The following LINGO2 variants were observed in gnomAD, a reference collection of about 807,000 sequenced individuals.
The protein encoded by LINGO2 is leucine-rich repeat and immunoglobulin-like domain-containing nogo receptor-interacting protein 2.
In LINGO2, 14 loss-of-function variants were observed where a neutral mutation model predicts 30.6. That is an observed-to-expected ratio of 0.46 (90% CI 0.30 to 0.72). LINGO2 has a LOEUF of 0.72. Ranked by LOEUF, LINGO2 falls within the 30% of genes least tolerant of loss-of-function variation. LINGO2 has a pLI of 0.07. For missense variants in LINGO2, 729 were observed against 751.7 expected, an observed-to-expected ratio of 0.97 and a Z score of 0.35; for synonymous variants, 317 against 288.5, an observed-to-expected ratio of 1.10 and a Z score of -1.00.
the LINGO2 span, among the ~76,000 whole-genome samples, chr9:28,763,550 T>C: frequency 6.6e-6 from 1 of 151,548 alleles, no homozygotes; most frequent in South Asian, 2.1e-4. Flanking sequence ...AAGCGAGAAG[T>C]TCATGGCAAT....
At chr9:28,326,093 G>A (rs373020307) in intron 3 of LINGO2, among the ~76,000 whole-genome samples, 55 of 152,232 alleles carry the variant, frequency 3.6e-4, no homozygotes, top group African/African-American at 9.9e-4. Flanking sequence ...TGCAACCTCC[G>A]CCTCCTGGGT....
chr9:29,005,758 T>C, the LINGO2 span, among the ~76,000 whole-genome samples: 2 of 152,040 alleles, frequency 1.3e-5, no homozygotes, highest in Admixed American at 6.6e-5. Context: ...TACTGCATTT[T>C]TGAACCACAT....
At chr9:28,451,616 A>G (rs889973148) in intron 2 of LINGO2, among the ~76,000 whole-genome samples, 8 of 151,784 alleles carry the variant, frequency 5.3e-5, no homozygotes, top group African/African-American at 1.7e-4. Context: ...TCATTAAAAT[A>G]TATTATGGGA....
chr9:28,756,213 G>C, the LINGO2 span, among the ~76,000 whole-genome samples: 1 of 152,010 alleles, frequency 6.6e-6, no homozygotes, highest in African/African-American at 2.4e-5. Context: ...GGAGTGAAAG[G>C]AGATTATTTT....
At chr9:28,458,268 C>A (rs1824933558) in intron 2 of LINGO2, among the ~76,000 whole-genome samples, 1 of 152,264 alleles carries the variant, frequency 6.6e-6, no homozygotes, top group Admixed American at 6.5e-5. Context: ...AGGATGATTT[C>A]TGCAGCTGGA....
intron 4 of LINGO2, among the ~76,000 whole-genome samples, chr9:28,100,202 A>T (rs1256252902): frequency 6.6e-6 from 1 of 152,174 alleles, no homozygotes; most frequent in Non-Finnish European, 1.5e-5. Context: ...TGACACATAA[A>T]ATCATGAATA....
chr9:28,141,691 C>T (rs927687506), intron 4 of LINGO2, among the ~76,000 whole-genome samples: 3 of 151,944 alleles, frequency 2.0e-5, no homozygotes, highest in East Asian at 1.9e-4. Flanking sequence ...CTGAGGCGGG[C>T]GGATCACGAG....
chr9:29,185,998 A>C, the LINGO2 span, among the ~76,000 whole-genome samples: 1 of 152,156 alleles, frequency 6.6e-6, no homozygotes, highest in Non-Finnish European at 1.5e-5. Context: ...CATTAGCCCA[A>C]ACCAAACTTT....
chr9:29,190,831 T>C, the LINGO2 span, among the ~76,000 whole-genome samples: 2 of 152,198 alleles, frequency 1.3e-5, no homozygotes, highest in South Asian at 4.1e-4. Context: ...GGTATGGCAT[T>C]GTCTCCAATT....
At chr9:28,008,338 G>C (rs369562758) in intron 5 of LINGO2, among the ~76,000 whole-genome samples, 66 of 152,008 alleles carry the variant, frequency 4.3e-4, no homozygotes, top group African/African-American at 1.6e-3. Flanking sequence ...ATATAATATA[G>C]ATGATATCTA....
intron 2 of LINGO2, among the ~76,000 whole-genome samples, chr9:28,459,610 C>CT (rs1168583175): frequency 6.6e-6 from 1 of 151,938 alleles, no homozygotes; most frequent in African/African-American, 2.4e-5. Flanking sequence ...CCCATGTAGA[C>CT]TTTTCGCTCC....
the LINGO2 span, among the ~76,000 whole-genome samples, chr9:28,996,020 T>TAAAA: frequency 6.7e-6 from 1 of 150,358 alleles, no homozygotes; most frequent in Admixed American, 6.6e-5. Flanking sequence ...TAAAGTATAA[T>TAAAA]AAAAAAAATG....
In LINGO2 at chr9:28,059,586, C is replaced by G. The variant is rs75021929; in HGVS notation, c.-86-47181G>C. Among the ~76,000 whole-genome samples the G allele has an allele frequency of 2.2e-3, 331 of 152,188 alleles. 12 individuals carry two copies. The South Asian group carries it at 0.046, about 21-fold the overall frequency. ...AGGAGACAGCAGATGATGAAAGAACCATCAGGCTTACTAGAATTCAACCAC... is the reference window on the plus strand; with the variant it reads ...AGGAGACAGCAGATGATGAAAGAACGATCAGGCTTACTAGAATTCAACCAC... On this transcript the variant is annotated intron_variant, in intron 4 of 5. Transcript: ENST00000379992.
intron 1 of LINGO2, among the ~76,000 whole-genome samples, chr9:28,558,260 G>C (rs531728612): frequency 3.3e-5 from 5 of 151,002 alleles, no homozygotes; most frequent in African/African-American, 4.9e-5. Context: ...TGCCATTTTT[G>C]TTAGGTCTTT....
chr9:28,222,442 A>G (rs1820998525), intron 4 of LINGO2, among the ~76,000 whole-genome samples: 1 of 152,148 alleles, frequency 6.6e-6, no homozygotes, highest in African/African-American at 2.4e-5. Flanking sequence ...TTTACTACAA[A>G]AAACCCATTG....
At position 28,248,931 on chromosome 9, in the gene LINGO2, C is replaced by A. The variant is rs377467722; in HGVS notation, c.-87+46277G>T. ...ACACCAAGAGAGAGTTATTATTAAT[C>A]TAAGTCATTCATGTCATTAATCTAA... On this transcript the variant is annotated intron_variant, in intron 4 of 5. Coordinates refer to ENST00000379992, the Ensembl canonical transcript of LINGO2. Among the ~76,000 whole-genome samples the A allele has an allele frequency of 4.1e-4, 63 of 152,214 alleles. No individual in the cohort carries two copies. The South Asian group carries it at 0.013, about 31-fold the overall frequency.
chr9:29,184,140 T>C, the LINGO2 span, among the ~76,000 whole-genome samples: 3 of 152,130 alleles, frequency 2.0e-5, no homozygotes, highest in Non-Finnish European at 4.4e-5. Flanking sequence ...TCAACTGTGC[T>C]CTGCTGTCAT....
At chr9:28,534,645 G>C (rs543697808) in intron 1 of LINGO2, among the ~76,000 whole-genome samples, 3 of 151,758 alleles carry the variant, frequency 2.0e-5, no homozygotes, top group South Asian at 4.1e-4. Context: ...TATAATGTTT[G>C]GGTCCCTTAA....
chr9:28,862,501 G>T, the LINGO2 span, among the ~76,000 whole-genome samples: 1 of 151,912 alleles, frequency 6.6e-6, no homozygotes, highest in Non-Finnish European at 1.5e-5. Flanking sequence ...TAACAGAAGG[G>T]CTTAAAAATT....
Sources: allele counts gnomAD v4.1 joint callset (sites outside exome capture counted in the v4.1 genomes callset), GRCh38; gene constraint gnomAD v4.1.1; transcripts MANE v1.5; gene names NCBI Gene and HGNC (gene_info 2026-07-23, HGNC 2026-07-21).